Variants in DKK2 observed in about 807,000 individuals in gnomAD.
DKK2 encodes the protein dickkopf Wnt signaling pathway inhibitor 2, also known as dickkopf-related protein 2.
In DKK2, 11 loss-of-function variants were observed where a neutral mutation model predicts 28.1. The ratio of observed to expected loss-of-function variants is 0.39; its 90% CI spans 0.25 to 0.65. The LOEUF is 0.65. DKK2 is among the 30% of genes least tolerant of loss of function. DKK2 has a pLI of 0.47. For synonymous variants in DKK2, 135 were observed against 126.5 expected (o/e 1.07, Z -0.45); for missense variants, 326 against 335.5 (o/e 0.97, Z 0.22).
chr4:107,033,580 C>G (rs1054723298), intron 1 of DKK2, among the ~76,000 whole-genome samples: 5 of 152,038 alleles, frequency 3.3e-5, no homozygotes, highest in Non-Finnish European at 7.4e-5. Flanking sequence ...GGTATGTTGG[C>G]CCAATAGTGG....
chr4:107,020,765 TTGTG>T (rs138742050), intron 1 of DKK2, among the ~76,000 whole-genome samples: 1 of 151,482 alleles, frequency 6.6e-6, no homozygotes, highest in African/African-American at 2.4e-5. Flanking sequence ...TTGACAGGCT[TTGTG>T]TGTGTGTGTG....
chr4:106,997,967 T>C (rs1246044403), intron 1 of DKK2, among the ~76,000 whole-genome samples: 1 of 152,218 alleles, frequency 6.6e-6, no homozygotes, highest in East Asian at 1.9e-4. Context: ...ATGGAGAACA[T>C]GTGCAGATGC....
intron 1 of DKK2, among the ~76,000 whole-genome samples, chr4:106,938,470 A>C (rs1230261761): frequency 1.3e-5 from 2 of 152,222 alleles, no homozygotes; most frequent in Non-Finnish European, 2.9e-5. Context: ...AATTGTGGCA[A>C]TAATCAATAG....
At chr4:107,009,966 A>G (rs1171366173) in intron 1 of DKK2, among the ~76,000 whole-genome samples, 1 of 151,796 alleles carries the variant, frequency 6.6e-6, no homozygotes. Flanking sequence ...TCAATTCCTC[A>G]AATTTATACT....
At chr4:107,015,056 G>A (rs148095975) in intron 1 of DKK2, among the ~76,000 whole-genome samples, 2 of 151,420 alleles carry the variant, frequency 1.3e-5, no homozygotes, top group East Asian at 2.0e-4. Flanking sequence ...ATATCTTCTC[G>A]TGCATGTGCT....
chr4:107,010,615 A>AG (rs1723503657), intron 1 of DKK2, among the ~76,000 whole-genome samples: 1 of 151,482 alleles, frequency 6.6e-6, no homozygotes, highest in African/African-American at 2.4e-5. Flanking sequence ...ACTAAAAAAA[A>AG]GGGATCGAGT....
intron 1 of DKK2, among the ~76,000 whole-genome samples, chr4:106,987,694 T>C (rs1723140754): frequency 6.6e-6 from 1 of 151,750 alleles, no homozygotes; most frequent in Non-Finnish European, 1.5e-5. Flanking sequence ...TCTTGTTCTC[T>C]GAAACCCTGG....
At chr4:106,940,144 A>G (rs1318526825) in intron 1 of DKK2, among the ~76,000 whole-genome samples, 1 of 152,250 alleles carries the variant, frequency 6.6e-6, no homozygotes, top group Admixed American at 6.5e-5. Context: ...CTGCACAGCA[A>G]AAGAAACTAC....
At chr4:106,937,419 A>G (rs1368907776) in intron 1 of DKK2, among the ~76,000 whole-genome samples, 3 of 130,880 alleles carry the variant, frequency 2.3e-5, no homozygotes, top group East Asian at 4.4e-4. Flanking sequence ...AGAGCTAACT[A>G]TCCTAAATAT....
At chr4:107,034,343 G>A (rs112491592) in intron 1 of DKK2, among the ~76,000 whole-genome samples, 9,205 of 151,994 alleles carry the variant, frequency 0.061, 485 homozygotes, top group East Asian at 0.24. Flanking sequence ...GTGTGCCATT[G>A]GTAAAATGGC....
intron 1 of DKK2, among the ~76,000 whole-genome samples, chr4:106,978,143 C>T (rs1722971912): frequency 6.6e-6 from 1 of 152,152 alleles, no homozygotes; most frequent in Admixed American, 6.5e-5. Context: ...CTCCAGGTGC[C>T]AGTCAGAGCT....
intron 1 of DKK2, among the ~76,000 whole-genome samples, chr4:107,025,724 C>T (rs949035441): frequency 6.6e-6 from 1 of 152,150 alleles, no homozygotes; most frequent in Non-Finnish European, 1.5e-5. Flanking sequence ...ACAATACAGT[C>T]GAAGCCACTT....
intron 1 of DKK2, among the ~76,000 whole-genome samples, chr4:107,029,039 G>C (rs147420525): frequency 8.6e-4 from 131 of 152,226 alleles, no homozygotes; most frequent in African/African-American, 3.0e-3. Context: ...GCAAGTAGAG[G>C]CAGGGATGAA....
chr4:106,996,655 C>T (rs1723276080), intron 1 of DKK2, among the ~76,000 whole-genome samples: 1 of 152,130 alleles, frequency 6.6e-6, no homozygotes, highest in African/African-American at 2.4e-5. Context: ...AGTCTACAAA[C>T]TAGCAGGATG....
Position 106,929,420 on chromosome 4 carries a change from C to T in DKK2, c.223-3471G>A, listed in dbSNP as rs1350068242. 2.6e-5 allele frequency among the ~76,000 whole-genome samples: 4 copies of T among 152,252 alleles called. No individual in the cohort carries two copies. In the East Asian group the frequency reaches 5.8e-4, roughly 22 times the overall value. On this transcript the variant is annotated intron_variant, in intron 1 of 3. Coordinates refer to ENST00000285311, the MANE Select transcript of DKK2 (RefSeq NM_014421.3). ...TAAACTGCCCCACAATTGAATCATACGCTCAGCTTATGAGCATCCAGGAAT... is the reference window on the plus strand; with the variant it reads ...TAAACTGCCCCACAATTGAATCATATGCTCAGCTTATGAGCATCCAGGAAT...
chr4:107,022,124 AG>A (rs1367905417), intron 1 of DKK2, among the ~76,000 whole-genome samples: 1 of 152,136 alleles, frequency 6.6e-6, no homozygotes, highest in Non-Finnish European at 1.5e-5. Context: ...TTTATGAAAA[AG>A]AAAAACTCAT....
At position 106,998,051 on chromosome 4, in the gene DKK2, G is replaced by C. The variant is rs539145672; in HGVS notation, c.222+37319C>G. Among the ~76,000 whole-genome samples the C allele has an allele frequency of 6.5e-4, 99 of 152,274 alleles. 1 individual carries two copies. In the South Asian group the frequency reaches 0.02, roughly 31 times the overall value. On this transcript the variant is annotated intron_variant, in intron 1 of 3. Transcript: ENST00000285311. ...ACTGTTGAAGAACAAGGATGACCTGGAGCTCATTGGGTATATGAAACACCC... is the reference window on the plus strand; with the variant it reads ...ACTGTTGAAGAACAAGGATGACCTGCAGCTCATTGGGTATATGAAACACCC...
rs1724347590 is a variant in DKK2, at chr4:106,921,864, C to T, written c.*2090G>A. 6.6e-6 allele frequency: 1 copy of T among 152,500 alleles called. No individual in the cohort carries two copies. Among genetic ancestry groups the T allele is most frequent in the Non-Finnish European group, 1.5e-5 (1 of 68,008 alleles). 9.4% of individuals were successfully genotyped at this position (152,500 alleles called of 1,614,324 possible). ...CTTATTATACATTTTTCCTAAATTA[C>T]AAAGTCAATAGCTGCAAATATATTC... On this transcript the variant is annotated 3_prime_UTR_variant, in exon 4 of 4. Coordinates refer to ENST00000285311, the MANE Select transcript of DKK2 (RefSeq NM_014421.3).
intron 2 of DKK2, among the ~76,000 whole-genome samples, chr4:106,925,078 T>C (rs995763333): frequency 6.6e-6 from 1 of 152,188 alleles, no homozygotes; most frequent in Non-Finnish European, 1.5e-5. Context: ...AACAACATAA[T>C]GTTAGTTTAC....
Sources: allele counts gnomAD v4.1 joint callset (sites outside exome capture counted in the v4.1 genomes callset), GRCh38; gene constraint gnomAD v4.1.1; transcripts MANE v1.5; gene names NCBI Gene and HGNC (gene_info 2026-07-23, HGNC 2026-07-21).